Variants in XCR1 observed in about 807,000 individuals in gnomAD.
XCR1 encodes the protein chemokine XC receptor 1.
For synonymous variants in XCR1, 187 were observed against 188.5 expected (o/e 0.99, Z 0.06); for missense variants, 356 against 424.2 (o/e 0.84, Z 1.41).
intron 5 of XCR1, among the ~76,000 whole-genome samples, chr3:46,052,061 CCTT>C (rs1334709469): frequency 3.3e-5 from 5 of 151,566 alleles, no homozygotes; most frequent in South Asian, 4.2e-4. Flanking sequence ...TTGAATTTCT[CCTT>C]CATAACCAGA....
chr3:46,063,173 A>T (rs2125901397), intron 4 of XCR1, among the ~76,000 whole-genome samples: 1 of 152,312 alleles, frequency 6.6e-6, no homozygotes, highest in Middle Eastern at 3.4e-3. Flanking sequence ...TCAAAAAGGT[A>T]ATTGATGACA....
At chr3:46,083,179 C>G (rs990055903) in intron 1 of XCR1, among the ~76,000 whole-genome samples, 1 of 152,202 alleles carries the variant, frequency 6.6e-6, no homozygotes, top group Non-Finnish European at 1.5e-5. Context: ...GAAAACAGCC[C>G]CTCCAGCTAT....
chr3:46,034,448 C>CT (rs138134443), intron 5 of XCR1, among the ~76,000 whole-genome samples: 266 of 148,790 alleles, frequency 1.8e-3, no homozygotes, highest in East Asian at 3.5e-3. Flanking sequence ...CTTTTATTTC[C>CT]TTTTTTTTTT....
chr3:46,021,151 T>A lies in XCR1; in HGVS notation c.797A>T (p.Glu266Val). Residue 266 changes from glutamate (E) to valine (V), a missense_variant, in exon 2 of 2, where the codon GAA becomes GTA. By Grantham distance (121) the Glu-to-Val change is moderately radical. Transcript: ENST00000309285. The surrounding 1 kb of genome is among the most constrained non-coding windows in gnomAD (Gnocchi z 4.7). ...IRSCEAKQQLEYALLICRNLA... is the reference protein window; with the variant it reads ...IRSCEAKQQLVYALLICRNLA... ...GTTGCGGCAGATGAGCAGGGCGTAT[T>A]CTAGCTGCTGTTTGGCCTCGCAGCT... The A allele has an allele frequency of 6.2e-7, 1 of 1,614,236 alleles. No individual in the cohort carries two copies. The highest frequency in any genetic ancestry group is 8.5e-7 in the Non-Finnish European group (1 of 1,180,042).
At chr3:46,054,757 A>G (rs1205327160) in intron 4 of XCR1, among the ~76,000 whole-genome samples, 1 of 152,168 alleles carries the variant, frequency 6.6e-6, no homozygotes, top group Non-Finnish European at 1.5e-5. Flanking sequence ...TATAGCAGGA[A>G]AGAAATGTAA....
chr3:46,057,666 T>C (rs1388265403), intron 4 of XCR1, among the ~76,000 whole-genome samples: 1 of 152,120 alleles, frequency 6.6e-6, no homozygotes, highest in East Asian at 1.9e-4. Context: ...GAGGCCCGAT[T>C]CCTCCTAGAG....
At chr3:46,077,565 C>T (rs1019131676) in intron 1 of XCR1, among the ~76,000 whole-genome samples, 10 of 151,942 alleles carry the variant, frequency 6.6e-5, no homozygotes, top group Non-Finnish European at 1.3e-4. Context: ...TTGCTTCATC[C>T]CCAAACCATC....
chr3:46,074,256 T>C (rs1698215852), intron 3 of XCR1, among the ~76,000 whole-genome samples: 1 of 137,258 alleles, frequency 7.3e-6, no homozygotes, highest in African/African-American at 2.9e-5. Context: ...AGGGTCTCTT[T>C]TCTGTTGCCC....
intron 5 of XCR1, among the ~76,000 whole-genome samples, chr3:46,052,314 G>A (rs1697762380): frequency 1.3e-5 from 2 of 152,176 alleles, no homozygotes; most frequent in South Asian, 2.1e-4. Context: ...ACGGGGTTGA[G>A]GTCTGGGCTG....
rs1440955966 is a variant in XCR1 at position 46,018,992 on chromosome 3, T to C, written c.*1954A>G. ...CCAGAGCCAAATCAGGTTCACAGATTGGGCCCAGGTCTTTGTGGCATGGCA... is the reference window on the plus strand; with the variant it reads ...CCAGAGCCAAATCAGGTTCACAGATCGGGCCCAGGTCTTTGTGGCATGGCA... On this transcript the variant is annotated 3_prime_UTR_variant, in exon 2 of 2. Coordinates refer to ENST00000309285, the MANE Select transcript of XCR1 (RefSeq NM_001024644.2). 1 of 152,180 alleles carries C rather than the reference T, an allele frequency of 6.6e-6. No homozygotes were observed. Among genetic ancestry groups the C allele is most frequent in the Non-Finnish European group, 1.5e-5 (1 of 68,040 alleles). 9.4% of individuals were successfully genotyped at this position (152,180 alleles called of 1,614,324 possible).
rs1223133190 is a variant in XCR1, at chr3:46,063,142, A to T, written c.-183+3757T>A. Among the ~76,000 whole-genome samples the T allele has an allele frequency of 2.0e-5, 3 of 152,360 alleles. No individual in the cohort carries two copies. In the East Asian group the frequency reaches 5.8e-4, roughly 29 times the overall value. ...CTATAGCTCTATCATTCAGGGTCCC[A>T]GTAGGAATCAAGTGGCTCTCTCAAA... On this transcript the variant is annotated intron_variant, in intron 4 of 5. Coordinates refer to the XCR1 transcript ENST00000683768.
chr3:46,038,858 CTG>C (rs1369106561), intron 5 of XCR1, among the ~76,000 whole-genome samples: 1 of 152,042 alleles, frequency 6.6e-6, no homozygotes, highest in Non-Finnish European at 1.5e-5. Flanking sequence ...TGAGGGAAAA[CTG>C]TGATACGGCT....
intron 5 of XCR1, among the ~76,000 whole-genome samples, chr3:46,040,817 A>T (rs1697526568): frequency 7.1e-6 from 1 of 140,424 alleles, no homozygotes. Context: ...CATGTGTCTG[A>T]TAACTCTGAA....
At chr3:46,050,919 CT>C (rs1354199535) in intron 5 of XCR1, among the ~76,000 whole-genome samples, 4 of 152,142 alleles carry the variant, frequency 2.6e-5, no homozygotes, top group African/African-American at 9.7e-5. Context: ...ATCTTCTGGA[CT>C]TTTTTTGGAA....
At chr3:46,032,039 T>C (rs1321564701), upstream of XCR1, among the ~76,000 whole-genome samples, 1 of 152,250 alleles carries the variant, frequency 6.6e-6, no homozygotes, top group African/African-American at 2.4e-5. Context: ...TATTGCTTGA[T>C]AAAGCTCTTC....
intron 4 of XCR1, among the ~76,000 whole-genome samples, chr3:46,056,375 A>C (rs911731634): frequency 1.4e-4 from 22 of 152,170 alleles, no homozygotes; most frequent in Admixed American, 1.4e-3. Context: ...CTTTTAACAC[A>C]AAATTTATGA....
intron 4 of XCR1, among the ~76,000 whole-genome samples, chr3:46,056,646 G>A (rs1022688259): frequency 8.3e-6 from 1 of 120,844 alleles, no homozygotes; most frequent in Non-Finnish European, 1.8e-5. Context: ...GCTAATTTTT[G>A]TATTTATTTA....
intron 4 of XCR1, among the ~76,000 whole-genome samples, chr3:46,060,180 C>G (rs950389383): frequency 1.3e-5 from 2 of 152,188 alleles, no homozygotes; most frequent in African/African-American, 4.8e-5. Flanking sequence ...ATAGCTGTAT[C>G]TATTTATAGA....
At chr3:46,034,351 T>G (rs1283562872) in intron 5 of XCR1, among the ~76,000 whole-genome samples, 2 of 152,208 alleles carry the variant, frequency 1.3e-5, no homozygotes, top group Non-Finnish European at 2.9e-5. Flanking sequence ...TTATAGGAGT[T>G]TTTTTGTGCA....
Sources: allele counts gnomAD v4.1 joint callset (sites outside exome capture counted in the v4.1 genomes callset), GRCh38; gene constraint gnomAD v4.1.1; non-coding constraint Gnocchi (gnomAD v3.1); transcripts MANE v1.5; gene names NCBI Gene and HGNC (gene_info 2026-07-23, HGNC 2026-07-21).